Variants in UBE2QL1 observed in about 807,000 individuals in gnomAD.
UBE2QL1 encodes ubiquitin conjugating enzyme E2 QL1, also known as ubiquitin-conjugating enzyme E2Q-like protein 1.
In UBE2QL1, 5 loss-of-function variants were observed where a neutral mutation model predicts 12.6. The observed-to-expected ratio is 0.40, with a 90% CI of 0.21 to 0.83. The LOEUF (loss-of-function observed/expected upper bound fraction) is 0.83. Among genes scored for constraint, UBE2QL1 ranks in the 40% least tolerant of loss-of-function variants. The probability of loss-of-function intolerance (pLI) is 0.37; values close to 1 mark genes in which losing one functional copy is unlikely to be tolerated. For missense variants in UBE2QL1, 99 were observed against 222.6 expected (o/e 0.44, Z 3.53); for synonymous variants, 96 against 94.5 (o/e 1.02, Z -0.10).
chr5:6,468,944 G>A (rs867072949), intron 1 of UBE2QL1, among the ~76,000 whole-genome samples: 4 of 152,098 alleles, frequency 2.6e-5, no homozygotes, highest in African/African-American at 7.2e-5. Flanking sequence ...TATCACCACC[G>A]GTCTGCCACA....
rs1029768642 is a variant in UBE2QL1 at position 6,494,220 on chromosome 5, A to G, written c.*2871A>G. The G allele has an allele frequency of 6.6e-6, 1 of 152,346 alleles. No individual in the cohort carries two copies. The highest frequency in any genetic ancestry group is 2.4e-5 in the African/African-American group (1 of 41,586). The allele number at this position is 152,346 out of a possible 1,614,324, so 9.4% of individuals were successfully genotyped here. A position where few individuals can be genotyped will look rare whatever the true frequency, so the allele number is the denominator to read the frequency against. ...CTCCACTGCTGGGTAAGGCCTGCAC[A>G]TGGTCTGTCTGTAACTTTCTAGAAG... On this transcript the variant is annotated 3_prime_UTR_variant, in exon 2 of 2. Transcript: ENST00000399816.
rs1272593894 is a variant in UBE2QL1, at chr5:6,453,732, CAG to C, written c.354+4489_354+4490del. Among the ~76,000 whole-genome samples, 195 of 140,240 alleles carry C rather than the reference CAG, an allele frequency of 1.4e-3. 1 individual carries two copies. The highest frequency in any genetic ancestry group is 4.8e-3 in the African/African-American group (179 of 37,500). The allele number at this position is 140,240 out of a possible 152,430, so 92.0% of individuals were successfully genotyped here. Reference sequence around the variant, plus strand: ...GTGCACACACACACACACACACACACAGAGACATACATAAAGCCCATCTTCCA... The same window carrying C: ...GTGCACACACACACACACACACACACAGACATACATAAAGCCCATCTTCCA... On this transcript the variant is annotated intron_variant, in intron 1 of 1. Coordinates refer to ENST00000399816, the MANE Select transcript of UBE2QL1 (RefSeq NM_001145161.3).
chr5:6,490,180 C>T (rs767124457), intron 1 of UBE2QL1, among the ~76,000 whole-genome samples: 6 of 152,148 alleles, frequency 3.9e-5, no homozygotes, highest in Non-Finnish European at 8.8e-5. Flanking sequence ...TTCAGTTGAT[C>T]CACCATTAAG....
intron 1 of UBE2QL1, among the ~76,000 whole-genome samples, chr5:6,462,411 A>G (rs1413749166): frequency 6.6e-6 from 1 of 152,124 alleles, no homozygotes; most frequent in Admixed American, 6.5e-5. Flanking sequence ...CAGGCAACAG[A>G]GGGATCCTGG....
At chr5:6,458,597 T>C (rs1579288226) in intron 1 of UBE2QL1, among the ~76,000 whole-genome samples, 1 of 152,354 alleles carries the variant, frequency 6.6e-6, no homozygotes, top group East Asian at 1.9e-4. Context: ...TGGGTGCCCA[T>C]ATTGCTTCCC....
At chr5:6,487,442 C>A (rs377033385) in intron 1 of UBE2QL1, among the ~76,000 whole-genome samples, 2 of 152,186 alleles carry the variant, frequency 1.3e-5, no homozygotes, top group African/African-American at 2.4e-5. Context: ...ATACACTTAA[C>A]CATGTGTGGC....
chr5:6,479,597 A>C lies in UBE2QL1; in HGVS notation c.355-11621A>C, dbSNP rs1248691314. On this transcript the variant is annotated intron_variant, in intron 1 of 1. Coordinates refer to ENST00000399816, the MANE Select transcript of UBE2QL1 (RefSeq NM_001145161.3). This position sits in a 1 kb window ranked among gnomAD's most constrained non-coding sequence, Gnocchi z 4.2. ...AAAAAGGGCAGAGGCTGTGCTCATT[A>C]AGACTTTCCAGAATCCTCTGTGAAG... 6.6e-6 allele frequency among the ~76,000 whole-genome samples: 1 copy of C among 152,206 alleles called. No individual in the cohort carries two copies. The highest frequency in any genetic ancestry group is 1.5e-5 in the Non-Finnish European group (1 of 68,038).
intron 1 of UBE2QL1, among the ~76,000 whole-genome samples, chr5:6,465,877 G>A (rs72717932): frequency 1.7e-4 from 26 of 152,284 alleles, no homozygotes; most frequent in South Asian, 1.2e-3. Flanking sequence ...GCATTTCCAC[G>A]TTTGCTTTTT....
intron 1 of UBE2QL1, among the ~76,000 whole-genome samples, chr5:6,463,640 A>T (rs202244710): frequency 2.1e-5 from 3 of 143,834 alleles, no homozygotes; most frequent in African/African-American, 5.1e-5. Context: ...TATTATTATT[A>T]TTTTTGATGC....
chr5:6,462,149 T>C (rs1474892988), intron 1 of UBE2QL1, among the ~76,000 whole-genome samples: 2 of 151,958 alleles, frequency 1.3e-5, no homozygotes, highest in Non-Finnish European at 2.9e-5. Context: ...CAGAACTGGG[T>C]CTTGGTCAGG....
intron 1 of UBE2QL1, among the ~76,000 whole-genome samples, chr5:6,467,995 C>T (rs181749907): frequency 6.6e-6 from 1 of 152,132 alleles, no homozygotes; most frequent in East Asian, 1.9e-4. Context: ...GGGCCTCTCT[C>T]CTTGCTCTCA....
chr5:6,457,936 G>A lies in UBE2QL1; in HGVS notation c.354+8689G>A, dbSNP rs185332607. Among the ~76,000 whole-genome samples, 4 of 152,346 alleles carry A rather than the reference G, an allele frequency of 2.6e-5. No individual in the cohort carries two copies. The East Asian group carries it at 7.7e-4, about 29-fold the overall frequency. ...TCCATCAAGTCTGACACATGGTACG[G>A]AATTATCAGCAACGTTGGACAAATA... On this transcript the variant is annotated intron_variant, in intron 1 of 1. Coordinates refer to ENST00000399816, the MANE Select transcript of UBE2QL1 (RefSeq NM_001145161.3).
chr5:6,480,516 A>G (rs577815749), intron 1 of UBE2QL1, among the ~76,000 whole-genome samples: 19 of 151,976 alleles, frequency 1.3e-4, no homozygotes, highest in South Asian at 1.2e-3. Context: ...ATGCAAAAGT[A>G]TAAGTATTAG....
At chr5:6,490,330 C>T (rs1442876258) in intron 1 of UBE2QL1, among the ~76,000 whole-genome samples, 2 of 152,230 alleles carry the variant, frequency 1.3e-5, no homozygotes, top group African/African-American at 4.8e-5. Flanking sequence ...GCCAGGGCTT[C>T]CCAAGATATT....
chr5:6,465,587 G>A (rs535836880), intron 1 of UBE2QL1, among the ~76,000 whole-genome samples: 1 of 152,300 alleles, frequency 6.6e-6, no homozygotes, highest in East Asian at 1.9e-4. Context: ...GGTGGAGGGC[G>A]CTTTGCACCT....
rs530298344 is a variant in UBE2QL1, at chr5:6,453,582, G to C, written c.354+4335G>C. On this transcript the variant is annotated intron_variant, in intron 1 of 1. Transcript: ENST00000399816. ...TAAAGGAAACTTGTCTAAGTGTAAG[G>C]AAACAGTAAAGGGCTCTGCAGCTCA... Among the ~76,000 whole-genome samples, 5 of 152,276 alleles carry C rather than the reference G, an allele frequency of 3.3e-5. No homozygotes were observed. In the South Asian group the frequency reaches 1.0e-3, roughly 32 times the overall value.
rs761182320 is a variant in UBE2QL1, at chr5:6,491,703, A to T, written c.*354A>T. On this transcript the variant is annotated 3_prime_UTR_variant, in exon 2 of 2. Coordinates refer to ENST00000399816, the MANE Select transcript of UBE2QL1 (RefSeq NM_001145161.3). ...CTCCGACGAGCCGGCAGGAAACTCA[A>T]TGCCCCTGCTGGCTCCATTTCCATG... 1.2e-5 allele frequency: 2 copies of T among 168,272 alleles called. No homozygotes were observed. Among genetic ancestry groups the T allele is most frequent in the African/African-American group, 4.8e-5 (2 of 41,990 alleles). The allele number at this position is 168,272 out of a possible 1,614,324, so 10.4% of individuals were successfully genotyped here.
chr5:6,462,960 C>T (rs985949186), intron 1 of UBE2QL1, among the ~76,000 whole-genome samples: 15 of 152,202 alleles, frequency 9.9e-5, no homozygotes, highest in African/African-American at 1.7e-4. Context: ...GAACGATAAA[C>T]GGAAGGCAGC....
Position 6,478,133 on chromosome 5 carries a change from CCTAT to C in UBE2QL1, c.355-13082_355-13079del, listed in dbSNP as rs1281616865. ...AAAAACAGACTATTTGAGAAAGTAA[CCTAT>C]CTTTTATAGAGTTTGTGCCCAGATC... is the stretch of plus-strand genomic sequence containing the variant. On this transcript the variant is annotated intron_variant, in intron 1 of 1. Transcript: ENST00000399816. This position sits in a 1 kb window ranked among gnomAD's most constrained non-coding sequence, Gnocchi z 4.5. Among the ~76,000 whole-genome samples the C allele has an allele frequency of 7.2e-5, 11 of 152,112 alleles. No individual in the cohort carries two copies. The highest frequency in any genetic ancestry group is 1.3e-4 in the Admixed American group (2 of 15,266).
Sources: allele counts gnomAD v4.1 joint callset (sites outside exome capture counted in the v4.1 genomes callset), GRCh38; gene constraint gnomAD v4.1.1; non-coding constraint Gnocchi (gnomAD v3.1); transcripts MANE v1.5; gene names NCBI Gene and HGNC (gene_info 2026-07-23, HGNC 2026-07-21).